RIMS1: variants seen among roughly 807,000 people sequenced by gnomAD.
RIMS1 encodes regulating synaptic membrane exocytosis 1.
A neutral mutation model predicts 214.1 loss-of-function variants in RIMS1; 83 were observed. That is an observed-to-expected ratio of 0.39 (90% CI 0.32 to 0.47). The LOEUF is 0.47. Ranked by LOEUF, RIMS1 falls within the 20% of genes least tolerant of loss-of-function variation. The probability of loss-of-function intolerance (pLI) is 0.99; values close to 1 mark genes in which losing one functional copy is unlikely to be tolerated. For missense variants in RIMS1, 2,050 were observed against 2,161.8 expected (o/e 0.95, Z 1.03); for synonymous variants, 793 against 786.8 (o/e 1.01, Z -0.13).
chr6:72,339,697 G>A (rs1214539007), intron 29 of RIMS1, among the ~76,000 whole-genome samples: 3 of 151,934 alleles, frequency 2.0e-5, no homozygotes, highest in Admixed American at 6.6e-5. Context: ...TTGGACATTT[G>A]GGTTGGTTCC....
At chr6:72,344,177 C>T (rs2097186551) in intron 29 of RIMS1, among the ~76,000 whole-genome samples, 1 of 151,762 alleles carries the variant, frequency 6.6e-6, no homozygotes, top group Non-Finnish European at 1.5e-5. Flanking sequence ...TGAGCACCTT[C>T]CTGGAGAGCC....
chr6:72,112,142 C>T (rs1030265234), intron 4 of RIMS1, among the ~76,000 whole-genome samples: 1 of 152,110 alleles, frequency 6.6e-6, no homozygotes, highest in African/African-American at 2.4e-5. Flanking sequence ...ATCTTGGAAT[C>T]CTCCTGGCCT....
At chr6:72,132,738 C>A (rs55634414) in intron 4 of RIMS1, among the ~76,000 whole-genome samples, 32,379 of 152,058 alleles carry the variant, frequency 0.21, 4,116 homozygotes, top group Non-Finnish European at 0.27. Context: ...ATGTAAATTT[C>A]TTGGGCCCGC....
chr6:71,925,048 A>C (rs1253033984), intron 1 of RIMS1, among the ~76,000 whole-genome samples: 1 of 152,174 alleles, frequency 6.6e-6, no homozygotes, highest in African/African-American at 2.4e-5. Context: ...AAGTGCATAC[A>C]TCAATGTTTA....
At chr6:72,152,051 C>A (rs964079793) in intron 4 of RIMS1, among the ~76,000 whole-genome samples, 3 of 152,192 alleles carry the variant, frequency 2.0e-5, no homozygotes, top group African/African-American at 7.2e-5. Context: ...GAGAATGGCA[C>A]CAAGCATTAC....
At chr6:71,958,145 T>C (rs1791840357) in intron 1 of RIMS1, among the ~76,000 whole-genome samples, 1 of 152,164 alleles carries the variant, frequency 6.6e-6, no homozygotes, top group African/African-American at 2.4e-5. Flanking sequence ...TTATTGCTAC[T>C]ATTATTGATG....
In RIMS1 at chr6:71,886,636, C is replaced by G. The variant is rs1767856052; in HGVS notation, c.-388C>G. On this transcript the variant is annotated 5_prime_UTR_variant, in exon 1 of 34. Coordinates refer to ENST00000521978, the MANE Select transcript of RIMS1 (RefSeq NM_014989.7). ...GCCCCAGCCCCAGCCCCAGCCCCGC[C>G]CCCGCCCCGCGCCCCGCCGGAGACG... 6.6e-6 allele frequency: 1 copy of G among 150,798 alleles called. No individual in the cohort carries two copies. Among genetic ancestry groups the G allele is most frequent in the Non-Finnish European group, 1.5e-5 (1 of 67,058 alleles). The allele number at this position is 150,798 out of a possible 1,614,324, so 9.3% of individuals were successfully genotyped here. A position where few individuals can be genotyped will look rare whatever the true frequency, so the allele number is the denominator to read the frequency against.
intron 2 of RIMS1, among the ~76,000 whole-genome samples, chr6:72,039,072 C>T (rs1480354014): frequency 2.0e-5 from 3 of 152,082 alleles, no homozygotes; most frequent in Non-Finnish European, 4.4e-5. Context: ...TTTGACTTTT[C>T]CTAACAGTTT....
chr6:72,278,151 T>TC (rs201392224), intron 23 of RIMS1, among the ~76,000 whole-genome samples: 1 of 121,210 alleles, frequency 8.3e-6, no homozygotes, highest in Non-Finnish European at 1.8e-5. Context: ...GAATGGTTTT[T>TC]AATCTATCTA....
At chr6:72,190,217 A>G (rs2049833556) in intron 6 of RIMS1, among the ~76,000 whole-genome samples, 1 of 152,116 alleles carries the variant, frequency 6.6e-6, no homozygotes, top group South Asian at 2.1e-4. Flanking sequence ...TAATCCCAGC[A>G]CTTTGGGAGG....
rs1359417844 is a variant in RIMS1 at position 72,155,463 on chromosome 6, A to G, written c.472-24112A>G. Among the ~76,000 whole-genome samples the G allele has an allele frequency of 1.4e-5, 2 of 140,002 alleles. 1 individual carries two copies. Among genetic ancestry groups the G allele is most frequent in the Non-Finnish European group, 3.2e-5 (2 of 61,698 alleles). The allele number at this position is 140,002 out of a possible 152,430, so 91.8% of individuals were successfully genotyped here. ...TCAGGTATCTTTTCAGCAACACCCC[A>G]TTCTCGTTACCAATATACTGTATTA... On this transcript the variant is annotated intron_variant, in intron 4 of 33. Coordinates refer to ENST00000521978, the MANE Select transcript of RIMS1 (RefSeq NM_014989.7).
chr6:71,952,290 A>G (rs779314175), intron 1 of RIMS1, among the ~76,000 whole-genome samples: 1 of 152,182 alleles, frequency 6.6e-6, no homozygotes, highest in Admixed American at 6.5e-5. Flanking sequence ...CCTGCTAAAT[A>G]TAGTCATTAT....
chr6:72,113,789 G>A (rs911796905), intron 4 of RIMS1, among the ~76,000 whole-genome samples: 2 of 152,032 alleles, frequency 1.3e-5, no homozygotes, highest in Admixed American at 1.3e-4. Context: ...ACTGCAATGG[G>A]AAAATACACA....
intron 24 of RIMS1, among the ~76,000 whole-genome samples, chr6:72,289,658 C>T (rs1267544305): frequency 2.0e-5 from 3 of 152,048 alleles, no homozygotes; most frequent in African/African-American, 7.2e-5. Flanking sequence ...AATCATTTTA[C>T]TTAAAAGAAA....
chr6:71,986,164 A>G (rs1799874337), intron 2 of RIMS1, among the ~76,000 whole-genome samples: 1 of 150,292 alleles, frequency 6.7e-6, no homozygotes, highest in African/African-American at 2.5e-5. Context: ...ACTTGATGTC[A>G]AGAAACCATC....
intron 16 of RIMS1, among the ~76,000 whole-genome samples, chr6:72,254,107 G>T (rs373897944): frequency 2.0e-5 from 3 of 152,114 alleles, no homozygotes; most frequent in African/African-American, 7.2e-5. Context: ...CTCATGATCC[G>T]CCCACCTCGG....
At chr6:72,138,043 T>A (rs940171984) in intron 4 of RIMS1, among the ~76,000 whole-genome samples, 5 of 152,112 alleles carry the variant, frequency 3.3e-5, no homozygotes, top group Admixed American at 1.3e-4. Flanking sequence ...GCAAAGTCTA[T>A]ACAATCTTAA....
chr6:72,114,448 T>A (rs2036682878), intron 4 of RIMS1, among the ~76,000 whole-genome samples: 1 of 152,026 alleles, frequency 6.6e-6, no homozygotes, highest in Non-Finnish European at 1.5e-5. Flanking sequence ...TCCTGACTTT[T>A]AAAATAAGAT....
chr6:71,957,207 A>G (rs1791546391), intron 1 of RIMS1, among the ~76,000 whole-genome samples: 2 of 152,150 alleles, frequency 1.3e-5, no homozygotes, highest in South Asian at 4.1e-4. Flanking sequence ...TAGTTGATGG[A>G]CTGGTGAAAA....
Sources: gnomAD v4.1 joint callset for allele counts (sites outside exome capture counted in the v4.1 genomes callset) on GRCh38, gnomAD v4.1.1 for gene constraint, MANE v1.5 for transcripts, NCBI Gene and HGNC (gene_info 2026-07-23, HGNC 2026-07-21) for gene names.